IGF2BP2: variants seen among roughly 807,000 people sequenced by gnomAD.
The protein encoded by IGF2BP2 is insulin like growth factor 2 mRNA binding protein 2.
IGF2BP2 carries 17 observed loss-of-function variants against 75.8 expected under a neutral mutation model. The observed-to-expected ratio is 0.22, with a 90% CI of 0.15 to 0.34. IGF2BP2 has a LOEUF of 0.34. Ranked by LOEUF, IGF2BP2 falls within the 10% of genes least tolerant of loss-of-function variation. The pLI, the probability that IGF2BP2 is intolerant of heterozygous loss-of-function variation, is 1.00. For synonymous variants in IGF2BP2, 288 were observed against 295.6 expected (o/e 0.97, Z 0.26); for missense variants, 516 against 772.4 (o/e 0.67, Z 3.93).
At chr3:185,768,857 T>C (rs1426171399) in intron 2 of IGF2BP2, among the ~76,000 whole-genome samples, 1 of 152,182 alleles carries the variant, frequency 6.6e-6, no homozygotes, top group Non-Finnish European at 1.5e-5. Context: ...TGAAACTCCA[T>C]CTCTTCTAAA....
chr3:185,811,877 T>TCTCTCTCC (rs1553897483), intron 2 of IGF2BP2, among the ~76,000 whole-genome samples: 1 of 48,032 alleles, frequency 2.1e-5, no homozygotes, highest in Non-Finnish European at 3.4e-5. Flanking sequence ...TCTCTCTCTC[T>TCTCTCTCC]CCCCCTCTCC....
At chr3:185,735,536 T>G (rs910918560) in intron 2 of IGF2BP2, among the ~76,000 whole-genome samples, 6 of 152,218 alleles carry the variant, frequency 3.9e-5, no homozygotes, top group Non-Finnish European at 8.8e-5. Flanking sequence ...AGCTCTCATA[T>G]CTTTGCTTTT....
intron 2 of IGF2BP2, among the ~76,000 whole-genome samples, chr3:185,731,359 G>A (rs1378613503): frequency 6.7e-6 from 1 of 150,146 alleles, no homozygotes; most frequent in African/African-American, 2.5e-5. Flanking sequence ...TGATTCTCCC[G>A]CCTCAGCCTC....
intron 1 of IGF2BP2, 51 bp from the exon 2 acceptor site, chr3:185,823,264 G>A (rs1741593267): frequency 1.4e-6 from 2 of 1,381,282 alleles, no homozygotes; most frequent in Non-Finnish European, 2.0e-6. Flanking sequence ...TCAAGCCCGC[G>A]GGGGTCTAGG....
intron 10 of IGF2BP2, among the ~76,000 whole-genome samples, chr3:185,669,765 T>G (rs1156542239): frequency 6.6e-6 from 1 of 152,144 alleles, no homozygotes; most frequent in African/African-American, 2.4e-5. Flanking sequence ...TCCTTGAAAT[T>G]TGAATGCCTA....
intron 10 of IGF2BP2, 49 bp from the exon 11 acceptor site, chr3:185,658,458 C>G (rs2149102079): frequency 6.5e-7 from 1 of 1,532,934 alleles, no homozygotes; most frequent in East Asian, 2.3e-5. Flanking sequence ...CAGGGACTGT[C>G]ACTGGCCTCA....
At chr3:185,745,133 T>G (rs1027028168) in intron 2 of IGF2BP2, among the ~76,000 whole-genome samples, 1 of 152,200 alleles carries the variant, frequency 6.6e-6, no homozygotes, top group Non-Finnish European at 1.5e-5. Flanking sequence ...TTGCACTTCC[T>G]CTGATCACAC....
chr3:185,653,071 C>T (rs964628549), intron 12 of IGF2BP2, among the ~76,000 whole-genome samples: 30 of 152,048 alleles, frequency 2.0e-4, no homozygotes, highest in Admixed American at 1.6e-3. Context: ...TCAAGTGATC[C>T]GCCCACCTTG....
intron 13 of IGF2BP2, among the ~76,000 whole-genome samples, chr3:185,650,092 T>TC (rs1714332230): frequency 6.6e-6 from 1 of 150,786 alleles, no homozygotes; most frequent in Non-Finnish European, 1.5e-5. Flanking sequence ...TTCATTCTTT[T>TC]TTTTTTTTTT....
chr3:185,813,740 C>T (rs1009844262), intron 2 of IGF2BP2, among the ~76,000 whole-genome samples: 24 of 152,162 alleles, frequency 1.6e-4, no homozygotes, highest in African/African-American at 5.8e-4. Flanking sequence ...GCCACAGAAC[C>T]CATACATTCC....
rs955531242 is a variant in IGF2BP2, at chr3:185,822,043, C to T, written c.239+1110G>A. Among the ~76,000 whole-genome samples, 75 of 151,856 alleles carry T rather than the reference C, an allele frequency of 4.9e-4. No homozygotes were observed. In the Middle Eastern group the frequency reaches 0.01, roughly 21 times the overall value. ...ATTTAAGTAATTTTCTCATATGCCACAGAGATTATTTGCAAACAAAAGTTA... is the reference window on the plus strand; with the variant it reads ...ATTTAAGTAATTTTCTCATATGCCATAGAGATTATTTGCAAACAAAAGTTA... On this transcript the variant is annotated intron_variant, in intron 2 of 15. Transcript: ENST00000382199.
At chr3:185,772,261 C>G (rs1271012391) in intron 2 of IGF2BP2, among the ~76,000 whole-genome samples, 1 of 152,188 alleles carries the variant, frequency 6.6e-6, no homozygotes, top group East Asian at 1.9e-4. Flanking sequence ...ATAATGAATA[C>G]TGTGAGCCTT....
rs1560275693 is a variant in IGF2BP2 at position 185,677,026 on chromosome 3, G to GGAGATAT, written c.813-1114_813-1113insATATCTC. Among the ~76,000 whole-genome samples, 47 of 81,310 alleles carry GGAGATAT rather than the reference G, an allele frequency of 5.8e-4. 2 individuals are homozygous for GGAGATAT. The highest frequency in any genetic ancestry group is 2.3e-3 in the African/African-American group (46 of 20,332). 53.3% of individuals were successfully genotyped at this position (81,310 alleles called of 152,430 possible). A position where few individuals can be genotyped will look rare whatever the true frequency, so the allele number is the denominator to read the frequency against. ...TGGAGAGATTATATATATGGAGAGAGATATATATATATATGGAGATATATA... is the reference window on the plus strand; with the variant it reads ...TGGAGAGATTATATATATGGAGAGAGGAGATATATATATATATATATGGAGATATATA... On this transcript the variant is annotated intron_variant, in intron 7 of 15. Coordinates refer to ENST00000382199, the MANE Select transcript of IGF2BP2 (RefSeq NM_006548.6).
intron 2 of IGF2BP2, among the ~76,000 whole-genome samples, chr3:185,792,283 G>GT (rs1736745727): frequency 2.0e-5 from 3 of 152,214 alleles, no homozygotes; most frequent in African/African-American, 7.2e-5. Context: ...TTGAAATTGA[G>GT]TATCTGCTTT....
chr3:185,752,391 C>T (rs887511738), intron 2 of IGF2BP2, among the ~76,000 whole-genome samples: 1 of 152,142 alleles, frequency 6.6e-6, no homozygotes, highest in Admixed American at 6.5e-5. Context: ...ACTTAAAAAG[C>T]ATTTCTCTTC....
chr3:185,757,896 T>C (rs532110119), intron 2 of IGF2BP2, among the ~76,000 whole-genome samples: 10 of 152,104 alleles, frequency 6.6e-5, no homozygotes, highest in East Asian at 1.9e-4. Context: ...TCCACACACA[T>C]ACCTCTGACC....
intron 2 of IGF2BP2, among the ~76,000 whole-genome samples, chr3:185,698,890 C>G (rs935533941): frequency 6.6e-6 from 1 of 152,186 alleles, no homozygotes; most frequent in African/African-American, 2.4e-5. Flanking sequence ...CCTTGGCGCA[C>G]TGCAACCTCT....
At chr3:185,695,380 T>C (rs1428377656) in intron 4 of IGF2BP2, among the ~76,000 whole-genome samples, 1 of 152,200 alleles carries the variant, frequency 6.6e-6, no homozygotes, top group South Asian at 2.1e-4. Flanking sequence ...CTTATACAGG[T>C]TCTCTTTGGG....
chr3:185,668,232 CATTAA>C (rs1717949855), intron 10 of IGF2BP2, among the ~76,000 whole-genome samples: 2 of 151,916 alleles, frequency 1.3e-5, no homozygotes, highest in Admixed American at 1.3e-4. Context: ...ATTATGCAGC[CATTAA>C]ATCAAACTAG....
Sources: allele counts gnomAD v4.1 joint callset (sites outside exome capture counted in the v4.1 genomes callset), GRCh38; gene constraint gnomAD v4.1.1; transcripts MANE v1.5; gene names NCBI Gene and HGNC (gene_info 2026-07-23, HGNC 2026-07-21).